SHB: variants seen among roughly 807,000 people sequenced by gnomAD.
SHB encodes the protein SH2 domain containing adaptor protein B.
In SHB, 20 loss-of-function variants were observed where a neutral mutation model predicts 52.3. That is an observed-to-expected ratio of 0.38 (90% CI 0.27 to 0.56). The LOEUF is 0.56. SHB is among the 20% of genes least tolerant of loss of function. The pLI is 0.71. For synonymous variants in SHB, 397 were observed against 316.5 expected (o/e 1.25, Z -2.70); for missense variants, 825 against 723.3 (o/e 1.14, Z -1.61).
At chr9:37,981,472 T>A (rs766942621) in intron 2 of SHB, among the ~76,000 whole-genome samples, 8 of 151,082 alleles carry the variant, frequency 5.3e-5, no homozygotes, top group Non-Finnish European at 1.0e-4. Flanking sequence ...TGTGGCTGGT[T>A]TGAGCTTCTA....
At chr9:37,981,852 A>G (rs970608546) in intron 2 of SHB, among the ~76,000 whole-genome samples, 2 of 152,200 alleles carry the variant, frequency 1.3e-5, no homozygotes, top group African/African-American at 2.4e-5. Flanking sequence ...CAGTCAGAAC[A>G]CACATAACAT....
At chr9:37,991,730 C>G (rs1281548893) in intron 2 of SHB, among the ~76,000 whole-genome samples, 1 of 152,194 alleles carries the variant, frequency 6.6e-6, no homozygotes, top group Non-Finnish European at 1.5e-5. Context: ...AGTCACAAGG[C>G]AAAGTGATGC....
chr9:37,931,083 C>T (rs1402938032), intron 5 of SHB, among the ~76,000 whole-genome samples: 3 of 152,088 alleles, frequency 2.0e-5, no homozygotes, highest in African/African-American at 7.2e-5. Flanking sequence ...TGAAACTGGA[C>T]CCATATCTTC....
In SHB at chr9:37,973,893, C is replaced by T. The variant is rs571142483; in HGVS notation, c.1054+729G>A. ...CAGCACTGGGTGGGATCAATGGGCC[C>T]GCTGAGGGCCAACAGGAGCTGCTGT... On this transcript the variant is annotated intron_variant, in intron 3 of 5. Coordinates refer to ENST00000377707, the MANE Select transcript of SHB (RefSeq NM_003028.3). Among the ~76,000 whole-genome samples, 8 of 152,276 alleles carry T rather than the reference C, an allele frequency of 5.3e-5. No individual in the cohort carries two copies. In the South Asian group the frequency reaches 1.5e-3, roughly 28 times the overall value.
At chr9:38,033,181 G>T (rs1165398356) in intron 1 of SHB, among the ~76,000 whole-genome samples, 1 of 152,204 alleles carries the variant, frequency 6.6e-6, no homozygotes, top group Admixed American at 6.5e-5. Context: ...GGTCAGCATG[G>T]TTAGCCTGCA....
At chr9:37,977,409 A>T (rs1466966004) in intron 2 of SHB, among the ~76,000 whole-genome samples, 1 of 152,192 alleles carries the variant, frequency 6.6e-6, no homozygotes, top group Non-Finnish European at 1.5e-5. Flanking sequence ...GAGAATAAGA[A>T]GGGAAAAACC....
At chr9:38,023,253 C>A (rs1335898389) in intron 1 of SHB, among the ~76,000 whole-genome samples, 1 of 152,222 alleles carries the variant, frequency 6.6e-6, no homozygotes, top group African/African-American at 2.4e-5. Context: ...TTCTGCTACA[C>A]CCTTGCTGGG....
chr9:38,061,311 C>CA (rs776311036), intron 1 of SHB, among the ~76,000 whole-genome samples: 1,809 of 83,916 alleles, frequency 0.022, 38 homozygotes, highest in African/African-American at 0.065. Flanking sequence ...GATCCTGTCT[C>CA]AAAAAAAAAA....
chr9:38,016,221 G>A (rs1251405285), intron 1 of SHB, 90 bp from the exon 2 acceptor site: 51 of 1,398,214 alleles, frequency 3.6e-5, no homozygotes, highest in Non-Finnish European at 4.2e-5. Flanking sequence ...TCAGCTAGAT[G>A]AGCAAGGAGA....
intron 5 of SHB, among the ~76,000 whole-genome samples, chr9:37,941,905 T>C (rs978580318): frequency 1.2e-4 from 18 of 152,172 alleles, no homozygotes; most frequent in Admixed American, 5.9e-4. Context: ...TCCCTGCTGA[T>C]AGATGAGGGG....
At chr9:37,962,509 CT>C (rs61534080) in intron 3 of SHB, among the ~76,000 whole-genome samples, 193 of 145,470 alleles carry the variant, frequency 1.3e-3, no homozygotes, top group Non-Finnish European at 1.6e-3. Context: ...CTTCATCTTT[CT>C]TTTTTTTTTT....
intron 5 of SHB, among the ~76,000 whole-genome samples, chr9:37,921,892 A>G (rs550247096): frequency 1.3e-5 from 2 of 152,360 alleles, no homozygotes. Context: ...CTGAGAAAAC[A>G]GCAGAAGAGT....
At chr9:38,007,241 T>C (rs528133932) in intron 2 of SHB, among the ~76,000 whole-genome samples, 111 of 152,344 alleles carry the variant, frequency 7.3e-4, no homozygotes, top group African/African-American at 2.4e-3. Flanking sequence ...AGGCTGCTTA[T>C]AGTGAGTATT....
At chr9:37,939,127 G>A (rs957127705) in intron 5 of SHB, among the ~76,000 whole-genome samples, 1 of 152,172 alleles carries the variant, frequency 6.6e-6, no homozygotes, top group Non-Finnish European at 1.5e-5. Flanking sequence ...GCCAGATAGG[G>A]CTTCCTAAAC....
intron 4 of SHB, among the ~76,000 whole-genome samples, chr9:37,954,267 C>T (rs1219891487): frequency 2.0e-5 from 3 of 152,220 alleles, no homozygotes; most frequent in Admixed American, 1.3e-4. Flanking sequence ...TGATGTCATT[C>T]GGAAAACCCT....
chr9:37,958,414 T>C (rs1183779869), intron 3 of SHB, among the ~76,000 whole-genome samples: 1 of 152,142 alleles, frequency 6.6e-6, no homozygotes, highest in Non-Finnish European at 1.5e-5. Context: ...TGGCCTTACC[T>C]ATGAGAGGAA....
intron 2 of SHB, among the ~76,000 whole-genome samples, chr9:37,990,577 CAT>C (rs1820869946): frequency 1.3e-5 from 2 of 152,222 alleles, no homozygotes; most frequent in Admixed American, 1.3e-4. Flanking sequence ...GAACTGTACT[CAT>C]AGACTGTTGG....
intron 4 of SHB, among the ~76,000 whole-genome samples, chr9:37,955,486 AT>A (rs1040529072): frequency 6.6e-6 from 1 of 150,688 alleles, no homozygotes. Context: ...GTATTTATTT[AT>A]TTTTTTTTGA....
At chr9:38,025,000 T>C (rs1292935714) in intron 1 of SHB, among the ~76,000 whole-genome samples, 1 of 152,216 alleles carries the variant, frequency 6.6e-6, no homozygotes, top group African/African-American at 2.4e-5. Context: ...TGAGTGGGGA[T>C]GAACTTAGTA....
Sources: gnomAD v4.1 joint callset for allele counts (sites outside exome capture counted in the v4.1 genomes callset) on GRCh38, gnomAD v4.1.1 for gene constraint, MANE v1.5 for transcripts, NCBI Gene and HGNC (gene_info 2026-07-23, HGNC 2026-07-21) for gene names.